Variants in ZNF438 observed in about 807,000 individuals in gnomAD.
ZNF438 encodes zinc finger protein 438.
A neutral mutation model predicts 38.0 loss-of-function variants in ZNF438; 25 were observed. The ratio of observed to expected loss-of-function variants is 0.66; its 90% CI spans 0.48 to 0.92. ZNF438 has a LOEUF of 0.92. ZNF438 is among the 40% of genes least tolerant of loss of function. The probability of loss-of-function intolerance (pLI) is 0.00; values close to 1 mark genes in which losing one functional copy is unlikely to be tolerated. For missense variants in ZNF438, 1,007 were observed against 999.6 expected (o/e 1.01, Z -0.10); for synonymous variants, 372 against 364.1 (o/e 1.02, Z -0.25).
At position 31,021,476 on chromosome 10, in the gene ZNF438, T is replaced by C. The variant is rs534193291; in HGVS notation, c.-192+10357A>G. 3.3e-5 allele frequency among the ~76,000 whole-genome samples: 5 copies of C among 152,332 alleles called. No individual in the cohort carries two copies. The South Asian group carries it at 1.0e-3, about 32-fold the overall frequency. On this transcript the variant is annotated intron_variant, in intron 1 of 5. Coordinates refer to ENST00000413025, the Ensembl canonical transcript of ZNF438. ...AATATTGGGTTGGTGCAAACGTTCA[T>C]TGCAGGTTTTGTATTGTTGGAATTT...
chr10:30,936,644 A>G (rs2046287223), intron 2 of ZNF438, among the ~76,000 whole-genome samples: 1 of 152,152 alleles, frequency 6.6e-6, no homozygotes, highest in African/African-American at 2.4e-5. Flanking sequence ...ATCGCACTCC[A>G]GCCTAGGGGA....
At chr10:30,962,668 T>C (rs1025803009) in intron 1 of ZNF438, among the ~76,000 whole-genome samples, 1 of 147,188 alleles carries the variant, frequency 6.8e-6, no homozygotes, top group Admixed American at 6.8e-5. Flanking sequence ...AGAATCTAGG[T>C]CTTTACAAAA....
intron 1 of ZNF438, among the ~76,000 whole-genome samples, chr10:30,968,143 C>T (rs2050338938): frequency 6.6e-6 from 1 of 152,108 alleles, no homozygotes; most frequent in Non-Finnish European, 1.5e-5. Context: ...CCAACAGTGC[C>T]CTAAGTAAAA....
intron 1 of ZNF438, among the ~76,000 whole-genome samples, chr10:31,029,956 T>C (rs2057178734): frequency 6.6e-6 from 1 of 152,232 alleles, no homozygotes; most frequent in Non-Finnish European, 1.5e-5. Context: ...CACGTTCAAA[T>C]AGTCTCTACC....
intron 1 of ZNF438, among the ~76,000 whole-genome samples, chr10:31,024,863 T>C (rs1468295678): frequency 6.6e-6 from 1 of 152,158 alleles, no homozygotes; most frequent in Non-Finnish European, 1.5e-5. Flanking sequence ...ATTTAACATA[T>C]ACAACAATAA....
At chr10:30,877,113 C>G (rs1025698808) in intron 3 of ZNF438, 48 bp from the exon 5 acceptor site, 2 of 1,024,394 alleles carry the variant, frequency 2.0e-6, no homozygotes, top group Non-Finnish European at 2.8e-6. Flanking sequence ...ATTGAGAGAG[C>G]ATGTTAATGC....
chr10:30,934,985 C>T (rs1304593614), intron 2 of ZNF438, among the ~76,000 whole-genome samples: 1 of 152,170 alleles, frequency 6.6e-6, no homozygotes, highest in Non-Finnish European at 1.5e-5. Flanking sequence ...AGTAAAATAC[C>T]ATAAAATATG....
At chr10:30,889,713 A>G (rs553670765) in intron 3 of ZNF438, among the ~76,000 whole-genome samples, 23 of 152,164 alleles carry the variant, frequency 1.5e-4, no homozygotes, top group Non-Finnish European at 2.9e-4. Context: ...GCATCAACAC[A>G]TATTTCTGAA....
intron 1 of ZNF438, among the ~76,000 whole-genome samples, chr10:30,954,129 C>T (rs1334082417): frequency 6.6e-6 from 1 of 151,656 alleles, no homozygotes; most frequent in Non-Finnish European, 1.5e-5. Context: ...GGCGACAGTG[C>T]GAGACTGTTT....
At chr10:30,893,316 G>C (rs2040924793) in intron 3 of ZNF438, among the ~76,000 whole-genome samples, 1 of 152,140 alleles carries the variant, frequency 6.6e-6, no homozygotes, top group Admixed American at 6.5e-5. Flanking sequence ...GACTTAGAAG[G>C]GTGATTGTTT....
At chr10:30,914,967 A>C (rs1218980818) in intron 2 of ZNF438, among the ~76,000 whole-genome samples, 1 of 152,086 alleles carries the variant, frequency 6.6e-6, no homozygotes, top group Non-Finnish European at 1.5e-5. Flanking sequence ...CATAGAATTA[A>C]ATTACAAAGC....
At chr10:30,874,112 G>A (rs55658238) in intron 4 of ZNF438, among the ~76,000 whole-genome samples, 78 of 36,020 alleles carry the variant, frequency 2.2e-3, no homozygotes, top group African/African-American at 3.1e-3. Flanking sequence ...GGGTGTGTGT[G>A]TGTATATATA....
At chr10:31,013,085 C>T (rs562314013) in intron 1 of ZNF438, among the ~76,000 whole-genome samples, 3 of 152,092 alleles carry the variant, frequency 2.0e-5, no homozygotes, top group Admixed American at 6.5e-5. Flanking sequence ...TTTGGGAGGC[C>T]GAGGCGGGCG....
At chr10:30,996,915 G>A (rs2054104146) in intron 1 of ZNF438, among the ~76,000 whole-genome samples, 1 of 152,094 alleles carries the variant, frequency 6.6e-6, no homozygotes, top group East Asian at 1.9e-4. Context: ...AATTCACAAA[G>A]ATGGGAGGGA....
chr10:31,029,805 G>A (rs760463826), intron 1 of ZNF438, among the ~76,000 whole-genome samples: 15 of 152,202 alleles, frequency 9.9e-5, no homozygotes, highest in Non-Finnish European at 1.8e-4. Context: ...GACCATCATT[G>A]GCCACTACTT....
intron 3 of ZNF438, among the ~76,000 whole-genome samples, chr10:30,907,513 G>T (rs1027534340): frequency 6.6e-5 from 10 of 152,016 alleles, no homozygotes; most frequent in Non-Finnish European, 1.2e-4. Context: ...GTGTGAAGGG[G>T]GAAATTTTTA....
rs1283219858 is a variant in ZNF438, at chr10:30,961,367, C to T, written c.-191-19716G>A. ...CGGCTATTCACAGGCATGATCATAG[C>T]GCACTATAGCCATGAACTCCTGGGC... On this transcript the variant is annotated intron_variant, in intron 1 of 5. Transcript: ENST00000413025. Among the ~76,000 whole-genome samples the T allele has an allele frequency of 2.1e-5, 3 of 146,128 alleles. 1 individual carries two copies. Among genetic ancestry groups the T allele is most frequent in the Non-Finnish European group, 3.1e-5 (2 of 64,392 alleles).
At chr10:30,856,077 G>C (rs2034576572) in intron 4 of ZNF438, among the ~76,000 whole-genome samples, 1 of 152,318 alleles carries the variant, frequency 6.6e-6, no homozygotes, top group Non-Finnish European at 1.5e-5. Context: ...TTTGTGATGA[G>C]TGTGTGTCTA....
intron 2 of ZNF438, among the ~76,000 whole-genome samples, chr10:30,938,948 C>T: frequency 6.6e-6 from 1 of 152,112 alleles, no homozygotes; most frequent in Non-Finnish European, 1.5e-5. Flanking sequence ...GCATGCACCA[C>T]CACACCCGGC....
Sources: gnomAD v4.1 joint callset for allele counts (sites outside exome capture counted in the v4.1 genomes callset) on GRCh38, gnomAD v4.1.1 for gene constraint, MANE v1.5 for transcripts, NCBI Gene and HGNC (gene_info 2026-07-23, HGNC 2026-07-21) for gene names.